IL4I1: variants seen among roughly 807,000 people sequenced by gnomAD.
IL4I1 encodes the protein interleukin 4 induced 1.
IL4I1 carries 24 observed loss-of-function variants against 29.7 expected under a neutral mutation model. That is an observed-to-expected ratio of 0.81 (90% CI 0.59 to 1.14). The LOEUF is 1.14. IL4I1 is among the 50% of genes most tolerant of loss of function. IL4I1 has a pLI of 0.00. For synonymous variants in IL4I1, 371 were observed against 352.5 expected, an observed-to-expected ratio of 1.05 and a Z score of -0.59; for missense variants, 686 against 785.6, an observed-to-expected ratio of 0.87 and a Z score of 1.52.
chr19:49,891,210 C>A, intron 6 of IL4I1, 103 bp from the exon 7 acceptor site: 1 of 1,511,232 alleles, frequency 6.6e-7, no homozygotes, highest in South Asian at 1.2e-5. Flanking sequence ...GTCCTTGGAC[C>A]GTAGGATCCT....
At chr19:49,890,937 C>CCCCCCCCCCCCCCCCCCCCCCCCCCCCG in intron 7 of IL4I1, 34 bp downstream of exon 7, 1 of 160,026 alleles carries the variant, frequency 6.2e-6, no homozygotes, top group South Asian at 6.4e-5. Context: ...TTGCCCCCCG[C>CCCCCCCCCCCCCCCCCCCCCCCCCCCCG]CCCCCCCCCC....
upstream of IL4I1, among the ~76,000 whole-genome samples, chr19:49,900,468 A>T (rs1232606493): frequency 1.3e-5 from 2 of 152,024 alleles, no homozygotes; most frequent in African/African-American, 4.8e-5. Context: ...TTATATTTTT[A>T]GTAGAGACGG....
rs2075138051 is a variant in IL4I1 at position 49,891,462 on chromosome 19, G to A, written c.579C>T (p.Asp193=). 3 of 1,613,996 alleles carry A rather than the reference G, an allele frequency of 1.9e-6. No homozygotes were observed. The highest frequency in any genetic ancestry group is 2.7e-5 in the African/African-American group (2 of 74,924). ...YQMALNQALK[D]LKALGCRKAM... The stretch of plus-strand genomic sequence containing the variant: ...CCTTTCTGCAGCCCAGTGCCTTGAG[G>A]TCTTTGAGGGCCTGTTGTGGAAGAA... Residue 193 remains aspartate (D), a synonymous_variant, in exon 6 of 8, where the codon GAC becomes GAT. Transcript: ENST00000391826.
upstream of IL4I1, among the ~76,000 whole-genome samples, chr19:49,897,759 G>A (rs754596118): frequency 6.6e-6 from 1 of 152,130 alleles, no homozygotes; most frequent in South Asian, 2.1e-4. Context: ...TCCTTGGGGT[G>A]GGGGAGAGGG....
intron 3 of IL4I1, among the ~76,000 whole-genome samples, chr19:49,902,329 C>A (rs2075278316): frequency 6.7e-6 from 1 of 150,086 alleles, no homozygotes; most frequent in African/African-American, 2.4e-5. Flanking sequence ...ACTACAATAT[C>A]ATTATCATAT....
chr19:49,895,705 A>AAACCCCC, intron 3 of IL4I1, 110 bp downstream of exon 3: 1 of 464,354 alleles, frequency 2.2e-6, no homozygotes, highest in Non-Finnish European at 4.3e-6. Flanking sequence ...CTCTCCCCCC[A>AAACCCCC]CATCCCCACC....
At chr19:49,909,259 C>G (rs1984656) in intron 2 of IL4I1, 1 of 1,613,956 alleles carries the variant, frequency 6.2e-7, no homozygotes. Context: ...TGGCAGGTGC[C>G]GTGGGCTGGG....
intron 2 of IL4I1, chr19:49,908,145 A>G: frequency 6.5e-7 from 1 of 1,539,038 alleles, no homozygotes. Context: ...AAACAAACAA[A>G]CAAGTATCTT....
intron 5 of IL4I1, among the ~76,000 whole-genome samples, chr19:49,892,418 T>A (rs1422366104): frequency 6.6e-6 from 1 of 152,090 alleles, no homozygotes; most frequent in African/African-American, 2.4e-5. Flanking sequence ...GGCCTCATGG[T>A]CACTCTCTTT....
At chr19:49,923,462 G>A (rs1358775506) in intron 2 of IL4I1, among the ~76,000 whole-genome samples, 3 of 152,342 alleles carry the variant, frequency 2.0e-5, no homozygotes, top group Non-Finnish European at 4.4e-5. Flanking sequence ...CCCTCGAAGC[G>A]TTCGGGGGAG....
In IL4I1 at chr19:49,921,247, T is replaced by A. The variant is rs1249033972; in HGVS notation, c.-228+6447A>T. 1.3e-5 allele frequency among the ~76,000 whole-genome samples: 2 copies of A among 152,176 alleles called. No individual in the cohort carries two copies. Among genetic ancestry groups the A allele is most frequent in the Non-Finnish European group, 2.9e-5 (2 of 68,026 alleles). On this transcript the variant is annotated intron_variant, in intron 2 of 9. Transcript: ENST00000341114. This position sits in a 1 kb window ranked among gnomAD's most constrained non-coding sequence, Gnocchi z 5.4. The stretch of plus-strand genomic sequence containing the variant: ...GAAAGGGGAGAGGACTTCAGTCACC[T>A]GCGTAAAGTCCCACAACCAGTAAGG...
intron 3 of IL4I1, among the ~76,000 whole-genome samples, chr19:49,902,696 C>T (rs541953476): frequency 2.0e-5 from 3 of 151,882 alleles, no homozygotes; most frequent in African/African-American, 7.2e-5. Flanking sequence ...GGCGTGGTGG[C>T]GGGCACCTCT....
chr19:49,895,698 T>TGCCCCCCCCAACCCCCCACC, intron 3 of IL4I1, 117 bp downstream of exon 3: 1 of 705,418 alleles, frequency 1.4e-6, no homozygotes, highest in Non-Finnish European at 2.4e-6. Context: ...AGATAGCCTC[T>TGCCCCCCCCAACCCCCCACC]CCCCCCACAT....
At chr19:49,918,986 CA>C (rs1037315655) in intron 2 of IL4I1, among the ~76,000 whole-genome samples, 4 of 148,096 alleles carry the variant, frequency 2.7e-5, no homozygotes, top group Non-Finnish European at 3.0e-5. Flanking sequence ...CCCATCTCTA[CA>C]AAAAAAAATT....
upstream of IL4I1, among the ~76,000 whole-genome samples, chr19:49,898,199 T>C (rs1048477649): frequency 1.3e-5 from 2 of 152,138 alleles, no homozygotes; most frequent in Non-Finnish European, 2.9e-5. Context: ...CATACGCCTG[T>C]AGTCCCAACT....
intron 2 of IL4I1, chr19:49,907,508 A>G: frequency 2.3e-6 from 1 of 439,340 alleles, no homozygotes; most frequent in Non-Finnish European, 4.5e-6. Flanking sequence ...CTCACACTCG[A>G]AAACTAGGCT....
At chr19:49,902,658 T>C (rs556327539) in intron 3 of IL4I1, among the ~76,000 whole-genome samples, 59 of 152,082 alleles carry the variant, frequency 3.9e-4, no homozygotes, top group African/African-American at 1.4e-3. Context: ...TGAAACCCCA[T>C]CTCTACTAAA....
chr19:49,892,906 C>G (rs1270092459), intron 5 of IL4I1, among the ~76,000 whole-genome samples: 1 of 152,060 alleles, frequency 6.6e-6, no homozygotes, highest in Non-Finnish European at 1.5e-5. Flanking sequence ...CTAAAGGTAT[C>G]AGGGAAGGCT....
At chr19:49,903,830 GTTTTTTTT>G (rs113175852) in intron 3 of IL4I1, among the ~76,000 whole-genome samples, 17 of 66,526 alleles carry the variant, frequency 2.6e-4, no homozygotes, top group Non-Finnish European at 4.1e-4. Context: ...TATGTGCTGG[GTTTTTTTT>G]TTTTTTTTTT....
Sources: allele counts gnomAD v4.1 joint callset (sites outside exome capture counted in the v4.1 genomes callset), GRCh38; gene constraint gnomAD v4.1.1; non-coding constraint Gnocchi (gnomAD v3.1); transcripts MANE v1.5; gene names NCBI Gene and HGNC (gene_info 2026-07-23, HGNC 2026-07-21).